CERS6: variants seen among roughly 807,000 people sequenced by gnomAD.
CERS6 encodes the protein LAG1 homolog, ceramide synthase 6.
In CERS6, 26 loss-of-function variants were observed where a neutral mutation model predicts 56.8. The ratio of observed to expected loss-of-function variants is 0.46; its 90% CI spans 0.34 to 0.63. The LOEUF is 0.63. Ranked by LOEUF, CERS6 falls within the 30% of genes least tolerant of loss-of-function variation. The pLI, the probability that CERS6 is intolerant of heterozygous loss-of-function variation, is 0.01. For missense variants in CERS6, 415 were observed against 467.5 expected (o/e 0.89, Z 1.04); for synonymous variants, 164 against 173.3 (o/e 0.95, Z 0.42).
intron 6 of CERS6, among the ~76,000 whole-genome samples, chr2:168,695,551 C>T (rs1298739093): frequency 6.6e-6 from 1 of 152,176 alleles, no homozygotes; most frequent in African/African-American, 2.4e-5. Flanking sequence ...TGACCCCTTA[C>T]GTGTTAAATC....
intron 1 of CERS6, among the ~76,000 whole-genome samples, chr2:168,522,140 A>G (rs184957722): frequency 1.3e-5 from 2 of 152,284 alleles, no homozygotes; most frequent in South Asian, 2.1e-4. Context: ...AGGTCTGGAT[A>G]TAGTTTTATA....
intron 4 of CERS6, among the ~76,000 whole-genome samples, chr2:168,676,954 C>G (rs1013606532): frequency 5.3e-5 from 8 of 150,126 alleles, no homozygotes; most frequent in Non-Finnish European, 1.2e-4. Flanking sequence ...TTGTTTCCTG[C>G]TAAGCCTCCG....
At chr2:168,744,156 C>G (rs1684023179) in intron 8 of CERS6, among the ~76,000 whole-genome samples, 1 of 151,638 alleles carries the variant, frequency 6.6e-6, no homozygotes, top group South Asian at 2.1e-4. Context: ...CAGGCACCCA[C>G]CACCACGCCC....
At chr2:168,765,863 A>G (rs1684718833) in intron 9 of CERS6, 115 bp downstream of exon 9, 3 of 961,240 alleles carry the variant, frequency 3.1e-6, no homozygotes, top group Middle Eastern at 6.7e-4. Context: ...TTTCTTCAGA[A>G]TTGAGCAAAA....
At chr2:168,748,883 T>C (rs1287404706) in intron 8 of CERS6, among the ~76,000 whole-genome samples, 2 of 152,004 alleles carry the variant, frequency 1.3e-5, no homozygotes, top group African/African-American at 4.8e-5. Context: ...AGGCCTGCTC[T>C]TGGTTCACAG....
chr2:168,759,911 A>G (rs1435292305), intron 8 of CERS6, among the ~76,000 whole-genome samples: 5 of 150,856 alleles, frequency 3.3e-5, no homozygotes, highest in Non-Finnish European at 7.4e-5. Flanking sequence ...TTTTTTGTAC[A>G]TATGTGTTTT....
intron 8 of CERS6, among the ~76,000 whole-genome samples, chr2:168,730,097 C>T (rs1019388432): frequency 1.3e-5 from 2 of 152,170 alleles, no homozygotes; most frequent in East Asian, 1.9e-4. Context: ...GATACGGAAT[C>T]GGCCCAGTCG....
intron 4 of CERS6, among the ~76,000 whole-genome samples, chr2:168,657,856 CTGG>C (rs1475074411): frequency 1.3e-5 from 2 of 152,224 alleles, no homozygotes; most frequent in African/African-American, 4.8e-5. Context: ...GAAGTGGGCT[CTGG>C]CCTTGGCCAG....
intron 3 of CERS6, among the ~76,000 whole-genome samples, chr2:168,589,452 C>G (rs1683622696): frequency 6.6e-6 from 1 of 152,126 alleles, no homozygotes; most frequent in Admixed American, 6.5e-5. Context: ...GCTCCTACTC[C>G]CCTTCTCTGA....
chr2:168,550,298 C>G (rs1016639796), intron 2 of CERS6, among the ~76,000 whole-genome samples: 2 of 152,098 alleles, frequency 1.3e-5, no homozygotes, highest in African/African-American at 4.8e-5. Context: ...GCTTCAGCCT[C>G]TCAAGTAGCT....
intron 1 of CERS6, among the ~76,000 whole-genome samples, chr2:168,544,377 A>G (rs1265699919): frequency 6.6e-6 from 1 of 152,168 alleles, no homozygotes; most frequent in East Asian, 1.9e-4. Flanking sequence ...TCCTCTCTGC[A>G]AAGTGGGGAT....
chr2:168,521,080 G>A (rs1175783627), intron 1 of CERS6, among the ~76,000 whole-genome samples: 1 of 152,150 alleles, frequency 6.6e-6, no homozygotes, highest in Non-Finnish European at 1.5e-5. Context: ...ACTAAGTCAA[G>A]TTTGGTAGAA....
chr2:168,637,916 G>A (rs190390210), intron 4 of CERS6, among the ~76,000 whole-genome samples: 48 of 152,046 alleles, frequency 3.2e-4, no homozygotes, highest in Non-Finnish European at 5.7e-4. Flanking sequence ...ACTCTGAAAT[G>A]TAGGAATTGG....
intron 1 of CERS6, among the ~76,000 whole-genome samples, chr2:168,509,163 C>T (rs1376619778): frequency 6.6e-6 from 1 of 152,190 alleles, no homozygotes; most frequent in Non-Finnish European, 1.5e-5. Flanking sequence ...TTAAAGGCCC[C>T]TGCTGATTTG....
At chr2:168,536,423 C>T (rs1297202922) in intron 1 of CERS6, among the ~76,000 whole-genome samples, 1 of 152,040 alleles carries the variant, frequency 6.6e-6, no homozygotes, top group African/African-American at 2.4e-5. Context: ...AATAAATAAA[C>T]CTATTTATTT....
chr2:168,724,526 T>G (rs7609095), intron 8 of CERS6, among the ~76,000 whole-genome samples: 92,479 of 151,430 alleles, frequency 0.61, 28,728 homozygotes, highest in Non-Finnish European at 0.64. Flanking sequence ...TGATTGGTGC[T>G]TTTACAATCT....
intron 3 of CERS6, among the ~76,000 whole-genome samples, chr2:168,617,877 T>C (rs561776636): frequency 7.2e-5 from 11 of 152,328 alleles, no homozygotes; most frequent in Admixed American, 3.3e-4. Context: ...CCCTAAATCA[T>C]TCTGTGAAGC....
intron 3 of CERS6, among the ~76,000 whole-genome samples, chr2:168,578,712 T>C (rs1683337812): frequency 6.6e-6 from 1 of 152,180 alleles, no homozygotes; most frequent in South Asian, 2.1e-4. Flanking sequence ...CATTAGGTGT[T>C]TTAGATCCAG....
intron 4 of CERS6, among the ~76,000 whole-genome samples, chr2:168,675,902 G>A (rs28768810): frequency 0.071 from 10,755 of 151,958 alleles, 572 homozygotes; most frequent in African/African-American, 0.15. Flanking sequence ...GGCCAGGATG[G>A]TCTCAATCTC....
Sources: gnomAD v4.1 joint callset for allele counts (sites outside exome capture counted in the v4.1 genomes callset) on GRCh38, gnomAD v4.1.1 for gene constraint, MANE v1.5 for transcripts, NCBI Gene and HGNC (gene_info 2026-07-23, HGNC 2026-07-21) for gene names.